Variants in ANO4 observed in about 807,000 individuals in gnomAD.
ANO4 encodes anoctamin 4, also known as anoctamin-4.
A neutral mutation model predicts 141.9 loss-of-function variants in ANO4; 69 were observed. The observed-to-expected ratio is 0.49, with a 90% CI of 0.40 to 0.59. The LOEUF (loss-of-function observed/expected upper bound fraction) is 0.59, where lower values mean the gene tolerates loss of function less well. Among genes scored for constraint, ANO4 ranks in the 20% least tolerant of loss-of-function variants. The probability of loss-of-function intolerance (pLI) is 0.00; values close to 1 mark genes in which losing one functional copy is unlikely to be tolerated. For synonymous variants in ANO4, 350 were observed against 394.3 expected, an observed-to-expected ratio of 0.89 and a Z score of 1.33; for missense variants, 894 against 1,162.2, an observed-to-expected ratio of 0.77 and a Z score of 3.36.
At chr12:100,914,645 C>CT (rs532656844) in intron 2 of ANO4, among the ~76,000 whole-genome samples, 20 of 151,442 alleles carry the variant, frequency 1.3e-4, no homozygotes, top group African/African-American at 4.6e-4. Context: ...CAAGATGGAA[C>CT]TTTTTTTTTC....
At chr12:100,913,874 A>G (rs2041221588) in intron 2 of ANO4, among the ~76,000 whole-genome samples, 1 of 152,130 alleles carries the variant, frequency 6.6e-6, no homozygotes, top group African/African-American at 2.4e-5. Flanking sequence ...CGCAAGGGCA[A>G]TATTCCTTCT....
intron 25 of ANO4, among the ~76,000 whole-genome samples, chr12:101,119,101 T>C (rs1326550730): frequency 1.3e-5 from 2 of 152,118 alleles, no homozygotes; most frequent in Non-Finnish European, 2.9e-5. Flanking sequence ...CCACATTTTC[T>C]TAATCCAGTC....
intron 6 of ANO4, among the ~76,000 whole-genome samples, chr12:100,972,989 C>T (rs1390134845): frequency 6.6e-6 from 1 of 152,218 alleles, no homozygotes; most frequent in East Asian, 1.9e-4. Context: ...GTGCTGCCTC[C>T]AAGCAGCATT....
At position 100,942,456 on chromosome 12, in the gene ANO4, G is replaced by T; in HGVS notation, c.377G>T (p.Arg126Ile). The change falls in exon 5 of 28, where the codon AGA becomes ATA. Residue 126 changes from arginine to isoleucine, a missense_variant. Coordinates refer to ENST00000392977, the MANE Select transcript of ANO4 (RefSeq NM_001286615.2). ...KCRIDYILVY[R>I]KSNPQTEKRE... ...CGAATTGACTACATCCTTGTGTACA[G>T]AAAATCCAACCCCCAGACTGAAAAG... The T allele has an allele frequency of 6.2e-7, 1 of 1,614,060 alleles. No individual in the cohort carries two copies. The highest frequency in any genetic ancestry group is 8.5e-7 in the Non-Finnish European group (1 of 1,180,002).
At chr12:101,127,685 A>ACTC (rs2051379223) in intron 27 of ANO4, among the ~76,000 whole-genome samples, 176 bp from the exon 28 acceptor site, 1 of 152,092 alleles carries the variant, frequency 6.6e-6, no homozygotes, top group African/African-American at 2.4e-5. Context: ...TGCCCTTCTG[A>ACTC]CTCAGTCTGT....
At chr12:100,832,327 C>T (rs1201568223) in intron 1 of ANO4, among the ~76,000 whole-genome samples, 1 of 152,026 alleles carries the variant, frequency 6.6e-6, no homozygotes, top group African/African-American at 2.4e-5. Context: ...CTGTAAAACC[C>T]TTGACTAAAA....
chr12:100,877,719 C>A (rs1443996969), intron 1 of ANO4, among the ~76,000 whole-genome samples: 1 of 152,096 alleles, frequency 6.6e-6, no homozygotes, highest in Non-Finnish European at 1.5e-5. Context: ...TTTTCTCCAG[C>A]ATCTTTCAGC....
At chr12:101,021,141 G>A (rs2046506028) in intron 9 of ANO4, among the ~76,000 whole-genome samples, 1 of 152,224 alleles carries the variant, frequency 6.6e-6, no homozygotes, top group East Asian at 1.9e-4. Flanking sequence ...AGCCATGGCA[G>A]TGCAGTTTGC....
chr12:100,997,739 G>A (rs963925477), intron 8 of ANO4, among the ~76,000 whole-genome samples: 23 of 152,198 alleles, frequency 1.5e-4, no homozygotes, highest in Middle Eastern at 3.4e-3. Context: ...TGTCAGAGAC[G>A]AAGAAAACCA....
chr12:101,069,999 A>T (rs1341933835), intron 14 of ANO4, among the ~76,000 whole-genome samples: 1 of 151,688 alleles, frequency 6.6e-6, no homozygotes, highest in Non-Finnish European at 1.5e-5. Context: ...TCATGCTACT[A>T]AAAAAAAGAA....
chr12:100,867,805 C>G (rs1252472780), intron 1 of ANO4, among the ~76,000 whole-genome samples: 1 of 152,264 alleles, frequency 6.6e-6, no homozygotes, highest in East Asian at 1.9e-4. Flanking sequence ...TCTGCAATTC[C>G]TCCAGGTGTG....
intron 17 of ANO4, among the ~76,000 whole-genome samples, chr12:101,087,336 A>G (rs2049547186): frequency 6.6e-6 from 1 of 150,514 alleles, no homozygotes; most frequent in South Asian, 2.1e-4. Flanking sequence ...TAGGTAACAT[A>G]GTGGGACCTT....
chr12:101,059,535 C>G (rs1245430583), intron 14 of ANO4, among the ~76,000 whole-genome samples: 3 of 152,242 alleles, frequency 2.0e-5, no homozygotes, highest in Non-Finnish European at 1.5e-5. Context: ...GCCTCAATTT[C>G]AGAACTTGTT....
intron 3 of ANO4, among the ~76,000 whole-genome samples, chr12:100,923,908 T>C (rs941654986): frequency 6.6e-6 from 1 of 152,222 alleles, no homozygotes; most frequent in Admixed American, 6.5e-5. Flanking sequence ...CATTTTTTCA[T>C]GTGTCTGTTG....
At chr12:101,033,656 T>C (rs2047075299) in intron 9 of ANO4, among the ~76,000 whole-genome samples, 1 of 152,030 alleles carries the variant, frequency 6.6e-6, no homozygotes, top group African/African-American at 2.4e-5. Flanking sequence ...CTAATTAAAC[T>C]AAAGAGCTTC....
intron 3 of ANO4, among the ~76,000 whole-genome samples, chr12:100,788,687 C>A (rs1408947700): frequency 6.6e-6 from 1 of 152,138 alleles, no homozygotes; most frequent in Non-Finnish European, 1.5e-5. Context: ...TTCAAGAAAT[C>A]CATCTTGAGT....
At chr12:101,061,642 C>A (rs2048352349) in intron 14 of ANO4, among the ~76,000 whole-genome samples, 1 of 151,660 alleles carries the variant, frequency 6.6e-6, no homozygotes, top group Admixed American at 6.6e-5. Context: ...GATCTTCAGT[C>A]TCTGATATCC....
At chr12:101,112,662 C>A (rs1212516731) in intron 24 of ANO4, among the ~76,000 whole-genome samples, 6 of 152,234 alleles carry the variant, frequency 3.9e-5, no homozygotes, top group Admixed American at 2.0e-4. Context: ...AGCTGATCGA[C>A]CCCAAGGAGT....
At chr12:100,725,747 A>G (rs894015524) in intron 1 of ANO4, among the ~76,000 whole-genome samples, 1 of 152,232 alleles carries the variant, frequency 6.6e-6, no homozygotes, top group Non-Finnish European at 1.5e-5. Context: ...AGAATTAGTG[A>G]AATTTCCCCA....
Sources: allele counts gnomAD v4.1 joint callset (sites outside exome capture counted in the v4.1 genomes callset), GRCh38; gene constraint gnomAD v4.1.1; transcripts MANE v1.5; gene names NCBI Gene and HGNC (gene_info 2026-07-23, HGNC 2026-07-21).